MSH5: variants seen among roughly 807,000 people sequenced by gnomAD.
MSH5 encodes the protein mutS homolog 5.
A neutral mutation model predicts 107.7 loss-of-function variants in MSH5; 78 were observed. That is an observed-to-expected ratio of 0.72 (90% CI 0.60 to 0.87). MSH5 has a LOEUF of 0.87. Among genes scored for constraint, MSH5 ranks in the 40% least tolerant of loss-of-function variants. The pLI, the probability that MSH5 is intolerant of heterozygous loss-of-function variation, is 0.00. For synonymous variants in MSH5, 326 were observed against 399.5 expected, an observed-to-expected ratio of 0.82 and a Z score of 2.19; for missense variants, 889 against 1,046.6, an observed-to-expected ratio of 0.85 and a Z score of 2.08.
In MSH5 at chr6:31,762,596, C is replaced by T. The variant is rs1440395815; in HGVS notation, c.*65C>T. ...GTGGGCTGCCATGCCCTCTTTGTTT[C>T]CTTATCTCCCTCAGACGCAGAGTTT... On this transcript the variant is annotated 3_prime_UTR_variant, in exon 25 of 25. Coordinates refer to ENST00000375750, the MANE Select transcript of MSH5 (RefSeq NM_172166.4). The T allele has an allele frequency of 2.1e-6, 2 of 954,802 alleles. No homozygotes were observed. The highest frequency in any genetic ancestry group is 4.8e-5 in the East Asian group (2 of 41,290). 59.1% of individuals were successfully genotyped at this position (954,802 alleles called of 1,614,324 possible).
In MSH5 at chr6:31,761,708, A is replaced by G. The variant is rs775319515; in HGVS notation, c.2181+93A>G. 4.3e-6 allele frequency: 7 copies of G among 1,612,624 alleles called. No individual in the cohort carries two copies. In the African/African-American group the frequency reaches 9.3e-5, roughly 22 times the overall value. On this transcript the variant is annotated intron_variant, in intron 22 of 24. Transcript: ENST00000375750. The surrounding 1 kb of genome is among the most constrained non-coding windows in gnomAD (Gnocchi z 5.3). ...CCTCTATCAGAACAAGGGCTCCCTC[A>G]GCACAGAGACCACATCCCTTCCCTT... is the stretch of plus-strand genomic sequence containing the variant.
Position 31,758,017 on chromosome 6 carries a change from C to T in MSH5, c.1015-148C>T. 1.1e-6 allele frequency: 1 copy of T among 893,392 alleles called. No individual in the cohort carries two copies. Among genetic ancestry groups the T allele is most frequent in the South Asian group, 1.6e-5 (1 of 62,280 alleles). The allele number at this position is 893,392 out of a possible 1,614,324, so 55.3% of individuals were successfully genotyped here. A position where few individuals can be genotyped will look rare whatever the true frequency, so the allele number is the denominator to read the frequency against. ...TGTAGTTTCAGTGTTTGGTACAGTG[C>T]CTCTCACTGTTTCTTTTTGCCTTTG... On this transcript the variant is annotated intron_variant, in intron 12 of 24. Transcript: ENST00000375750. The surrounding 1 kb of genome is among the most constrained non-coding windows in gnomAD (Gnocchi z 5.1).
chr6:31,748,235 G>T (rs984533495), intron 10 of MSH5, among the ~76,000 whole-genome samples: 5 of 151,604 alleles, frequency 3.3e-5, no homozygotes, highest in African/African-American at 1.2e-4. Context: ...CATTCCCTTT[G>T]CTGGTTAATG....
chr6:31,749,893 C>G (rs932750220), intron 10 of MSH5, among the ~76,000 whole-genome samples: 3 of 152,228 alleles, frequency 2.0e-5, no homozygotes, highest in Non-Finnish European at 4.4e-5. Context: ...AATCCTTCCC[C>G]TACCTCACCT....
intron 3 of MSH5, among the ~76,000 whole-genome samples, chr6:31,742,237 G>T (rs918500234): frequency 6.6e-6 from 1 of 152,040 alleles, no homozygotes; most frequent in Non-Finnish European, 1.5e-5. Flanking sequence ...ACAAATATTT[G>T]TGAGGCTGTT....
Position 31,758,486 on chromosome 6 carries a change from A to C in MSH5, c.1144-62A>C. The C allele has an allele frequency of 2.5e-6, 4 of 1,596,996 alleles. No homozygotes were observed. Among genetic ancestry groups the C allele is most frequent in the Non-Finnish European group, 3.4e-6 (4 of 1,165,990 alleles). On this transcript the variant is annotated intron_variant, in intron 13 of 24. Coordinates refer to ENST00000375750, the MANE Select transcript of MSH5 (RefSeq NM_172166.4). The surrounding 1 kb of genome is among the most constrained non-coding windows in gnomAD (Gnocchi z 5.1). ...GGACTGCAGGGAGAATTGGGGCCCA[A>C]GGAGAGCTGAGGAACAGGACAGAGG...
At position 31,740,313 on chromosome 6, in the gene MSH5, C is replaced by T. The variant is rs2151328769; in HGVS notation, c.-13-141C>T. ...ATACCCGAGAATTCACCTCCTGTGT[C>T]CACAGCTCTCCACGCCCCTCAGCCC... On this transcript the variant is annotated intron_variant, in intron 1 of 24. Coordinates refer to ENST00000375750, the MANE Select transcript of MSH5 (RefSeq NM_172166.4). This position sits in a 1 kb window ranked among gnomAD's most constrained non-coding sequence, Gnocchi z 4.4. 2 of 787,134 alleles carry T rather than the reference C, an allele frequency of 2.5e-6. No homozygotes were observed. The highest frequency in any genetic ancestry group is 3.9e-6 in the Non-Finnish European group (2 of 511,914). 48.8% of individuals were successfully genotyped at this position (787,134 alleles called of 1,614,324 possible).
rs768752717 is a variant in MSH5, at chr6:31,760,146, G to A, written c.1742G>A (p.Gly581Asp). Residue 581 changes from glycine to aspartate, a missense_variant, in exon 19 of 25, where the codon GGT becomes GAT. Transcript: ENST00000375750. This position sits in a 1 kb window ranked among gnomAD's most constrained non-coding sequence, Gnocchi z 5.6. ...TTTGTGCCCAACTCCACAGAATGTGGTGGGGACAAAGGGAGGGTCAAAGTC... is the reference window on the plus strand; with the variant it reads ...TTTGTGCCCAACTCCACAGAATGTGATGGGGACAAAGGGAGGGTCAAAGTC... ...RTFVPNSTEC[G>D]GDKGRVKVIT... 2 of 1,611,734 alleles carry A rather than the reference G, an allele frequency of 1.2e-6. No individual in the cohort carries two copies. Among genetic ancestry groups the A allele is most frequent in the Non-Finnish European group, 1.7e-6 (2 of 1,178,866 alleles).
chr6:31,745,109 A>AC (rs1240857852), intron 8 of MSH5, 128 bp from the exon 9 acceptor site: 36 of 485,312 alleles, frequency 7.4e-5, no homozygotes, highest in Admixed American at 1.8e-4. Context: ...ATCTCAAAAA[A>AC]AAAAAAAAAA....
At chr6:31,743,754 A>G in intron 5 of MSH5, 150 bp from the exon 6 acceptor site, 1 of 1,047,870 alleles carries the variant, frequency 9.5e-7, no homozygotes, top group South Asian at 1.6e-5. Flanking sequence ...AAGAGTCTGA[A>G]AATTTGGTTC....
chr6:31,741,382 CAT>C lies in MSH5; in HGVS notation c.271+99_271+100del, dbSNP rs1554203363. 6.9e-4 allele frequency: 575 copies of C among 832,462 alleles called. 4 individuals are homozygous for C. The highest frequency in any genetic ancestry group is 5.9e-3 in the African/African-American group (268 of 45,286). The allele number at this position is 832,462 out of a possible 1,614,324, so 51.6% of individuals were successfully genotyped here. A position where few individuals can be genotyped will look rare whatever the true frequency, so the allele number is the denominator to read the frequency against. On this transcript the variant is annotated intron_variant, in intron 3 of 24. Transcript: ENST00000375750. ...ACACACACACACACACACACACACA[CAT>C]ATTTTTTTTTTCTAGACAGAGTCTT...
chr6:31,747,203 T>C (rs1417301740), intron 9 of MSH5, among the ~76,000 whole-genome samples, 184 bp from the exon 10 acceptor site: 1 of 152,242 alleles, frequency 6.6e-6, no homozygotes, highest in Non-Finnish European at 1.5e-5. Flanking sequence ...CCCATCTCCA[T>C]GTACGGTAAT....
chr6:31,753,579 C>A lies in MSH5; in HGVS notation c.964C>A (p.Arg322Ser). ...TGTCTGACTGTAGCTGATTCTGAAA[C>A]GCATGAAGTTGTCCCACACCAAGGT... ...HIKNVPLILK[R>S]MKLSHTKVSD... The change falls in exon 12 of 25, where the codon CGC becomes AGC. Residue 322 changes from arginine (R) to serine (S), a missense_variant. Physicochemically the swap from Arg to Ser is moderately radical, Grantham distance 110. Coordinates refer to ENST00000375750, the MANE Select transcript of MSH5 (RefSeq NM_172166.4). 6.2e-7 allele frequency: 1 copy of A among 1,614,104 alleles called. No individual in the cohort carries two copies. Among genetic ancestry groups the A allele is most frequent in the Non-Finnish European group, 8.5e-7 (1 of 1,180,016 alleles).
rs1811056159 is a variant in MSH5 at position 31,761,989 on chromosome 6, T to C, written c.2319+34T>C. ...ATCCAAATGTGCAACCACCTCCACATCAGAGCTCCCTTTCATTCCTAGTCC... is the reference window on the plus strand; with the variant it reads ...ATCCAAATGTGCAACCACCTCCACACCAGAGCTCCCTTTCATTCCTAGTCC... On this transcript the variant is annotated intron_variant, in intron 23 of 24. Coordinates refer to ENST00000375750, the MANE Select transcript of MSH5 (RefSeq NM_172166.4). This position sits in a 1 kb window ranked among gnomAD's most constrained non-coding sequence, Gnocchi z 5.3. The C allele has an allele frequency of 6.2e-7, 1 of 1,613,394 alleles. No individual in the cohort carries two copies. The highest frequency in any genetic ancestry group is 1.3e-5 in the African/African-American group (1 of 74,908).
chr6:31,759,778 A>G lies in MSH5; in HGVS notation c.1496-8A>G, dbSNP rs1051842436. ...TGACCTCCAGCTCCCTTCCTCACCC[A>G]CTCCCAGACCAGGAGACGCTGCTGA... On this transcript the variant is annotated splice_polypyrimidine_tract_variant and splice_region_variant and intron_variant, in intron 17 of 24. Coordinates refer to ENST00000375750, the MANE Select transcript of MSH5 (RefSeq NM_172166.4). This position sits in a 1 kb window ranked among gnomAD's most constrained non-coding sequence, Gnocchi z 4.7. 1 of 1,610,958 alleles carries G rather than the reference A, an allele frequency of 6.2e-7. No homozygotes were observed. The highest frequency in any genetic ancestry group is 8.5e-7 in the Non-Finnish European group (1 of 1,179,564).
At chr6:31,748,645 A>C (rs969733877) in intron 10 of MSH5, among the ~76,000 whole-genome samples, 3 of 151,800 alleles carry the variant, frequency 2.0e-5, no homozygotes, top group African/African-American at 7.3e-5. Flanking sequence ...CCTGGCCGTC[A>C]CTCCACTTTT....
chr6:31,745,163 C>A, intron 8 of MSH5, 74 bp from the exon 9 acceptor site: 1 of 839,132 alleles, frequency 1.2e-6, no homozygotes. Context: ...GTCCCCATTC[C>A]ATTTATCAGT....
chr6:31,749,340 A>G (rs1406100088), intron 10 of MSH5, among the ~76,000 whole-genome samples: 2 of 152,094 alleles, frequency 1.3e-5, no homozygotes, highest in African/African-American at 4.8e-5. Flanking sequence ...TCAGGAGTTC[A>G]AGACCAGCCT....
chr6:31,745,626 A>G (rs978670049), intron 9 of MSH5, among the ~76,000 whole-genome samples: 2 of 152,150 alleles, frequency 1.3e-5, no homozygotes, highest in African/African-American at 2.4e-5. Context: ...GACCTTGTGT[A>G]TAGAGAAGAG....
Sources: allele counts gnomAD v4.1 joint callset (sites outside exome capture counted in the v4.1 genomes callset), GRCh38; gene constraint gnomAD v4.1.1; non-coding constraint Gnocchi (gnomAD v3.1); transcripts MANE v1.5; gene names NCBI Gene and HGNC (gene_info 2026-07-23, HGNC 2026-07-21).